The following OPCML variants were observed in gnomAD, a reference collection of about 807,000 sequenced individuals.
The protein encoded by OPCML is opioid-binding protein/cell adhesion molecule.
OPCML carries 13 observed loss-of-function variants against 37.8 expected under a neutral mutation model. That is an observed-to-expected ratio of 0.34 (90% CI 0.22 to 0.55). The LOEUF (loss-of-function observed/expected upper bound fraction) is 0.55, where lower values mean the gene tolerates loss of function less well. Among genes scored for constraint, OPCML ranks in the 20% least tolerant of loss-of-function variants. The probability of loss-of-function intolerance (pLI) is 0.91; values close to 1 mark genes in which losing one functional copy is unlikely to be tolerated. For synonymous variants in OPCML, 176 were observed against 168.8 expected, an observed-to-expected ratio of 1.04 and a Z score of -0.33; for missense variants, 341 against 435.6, an observed-to-expected ratio of 0.78 and a Z score of 1.93.
chr11:132,870,499 T>TA (rs959573929), intron 2 of OPCML, among the ~76,000 whole-genome samples: 4 of 151,728 alleles, frequency 2.6e-5, no homozygotes, highest in East Asian at 1.9e-4. Context: ...CTGGTCAAAT[T>TA]AAAAAAAATA....
At chr11:133,133,191 G>C (rs549145419) in intron 1 of OPCML, among the ~76,000 whole-genome samples, 9 of 152,298 alleles carry the variant, frequency 5.9e-5, no homozygotes, top group Middle Eastern at 3.4e-3. Flanking sequence ...AGATGCAACA[G>C]TTCCTGAGAT....
intron 1 of OPCML, among the ~76,000 whole-genome samples, chr11:133,223,774 C>T (rs1253544742): frequency 1.3e-5 from 2 of 152,176 alleles, no homozygotes; most frequent in Non-Finnish European, 1.5e-5. Flanking sequence ...TACTTGCGGG[C>T]CAGTGAGCTA....
intron 1 of OPCML, among the ~76,000 whole-genome samples, chr11:133,292,036 C>A (rs959145085): frequency 6.6e-6 from 1 of 152,150 alleles, no homozygotes; most frequent in Non-Finnish European, 1.5e-5. Context: ...TCAATATGGC[C>A]GTCGGTGAAG....
Position 133,183,404 on chromosome 11 carries a change from G to A in OPCML, c.62-240394C>T, listed in dbSNP as rs144861305. 1.0e-3 allele frequency among the ~76,000 whole-genome samples: 152 copies of A among 152,268 alleles called. 3 individuals carry two copies. Among genetic ancestry groups the A allele is most frequent in the South Asian group, 1.2e-3 (6 of 4,816 alleles). ...CAGAAAATAGTTCCTAAACCTGTAG[G>A]ATTTCCTGAAGAAGAAAACATTCCT... is the stretch of plus-strand genomic sequence containing the variant. On this transcript the variant is annotated intron_variant, in intron 1 of 7. Transcript: ENST00000524381.
intron 2 of OPCML, among the ~76,000 whole-genome samples, chr11:132,675,151 ATG>A (rs1239870422): frequency 2.4e-5 from 3 of 126,180 alleles, no homozygotes; most frequent in African/African-American, 9.9e-5. Context: ...GCCCATATAT[ATG>A]TATGTGTGTG....
rs116368087 is a variant in OPCML, at chr11:133,031,181, G to A, written c.62-88171C>T. 5.8e-3 allele frequency among the ~76,000 whole-genome samples: 880 copies of A among 152,324 alleles called. 5 individuals carry two copies. Among genetic ancestry groups the A allele is most frequent in the African/African-American group, 0.02 (831 of 41,564 alleles). Reference sequence around the variant, plus strand: ...TGAATGGATAGATGGATAAATGGGTGCATAGGTGAATGAATGGATGGGTGG... The same window carrying A: ...TGAATGGATAGATGGATAAATGGGTACATAGGTGAATGAATGGATGGGTGG... On this transcript the variant is annotated intron_variant, in intron 1 of 7. Transcript: ENST00000524381.
intron 1 of OPCML, among the ~76,000 whole-genome samples, chr11:133,084,424 T>C (rs1023832649): frequency 1.3e-5 from 2 of 152,250 alleles, no homozygotes; most frequent in East Asian, 3.8e-4. Flanking sequence ...GAAAGAGGTG[T>C]TAAGCTTCAG....
intron 1 of OPCML, among the ~76,000 whole-genome samples, chr11:133,123,434 G>A (rs1179210854): frequency 6.6e-6 from 1 of 152,146 alleles, no homozygotes; most frequent in Admixed American, 6.5e-5. Flanking sequence ...GTTTGCCCTG[G>A]TGGAAATGAC....
chr11:132,961,095 C>T (rs541490130), intron 1 of OPCML, among the ~76,000 whole-genome samples: 71 of 152,152 alleles, frequency 4.7e-4, no homozygotes, highest in Non-Finnish European at 7.6e-4. Context: ...AAATAACCCT[C>T]GGCATCCTCA....
At chr11:133,301,579 G>A (rs1942778911) in intron 1 of OPCML, 1 of 152,164 alleles carries the variant, frequency 6.6e-6, no homozygotes, top group African/African-American at 2.4e-5. Flanking sequence ...GGTAAATGTG[G>A]TTTTAAGTCT....
chr11:133,410,848 C>T (rs1945636841), intron 1 of OPCML, among the ~76,000 whole-genome samples: 2 of 152,014 alleles, frequency 1.3e-5, no homozygotes, highest in Non-Finnish European at 2.9e-5. Flanking sequence ...AAGAGAAAGG[C>T]TTTCTTGGGC....
intron 1 of OPCML, among the ~76,000 whole-genome samples, chr11:133,394,970 T>G (rs896177439): frequency 1.3e-5 from 2 of 152,236 alleles, no homozygotes; most frequent in East Asian, 3.8e-4. Context: ...ACAGTGGTTG[T>G]ACTAATTTAC....
chr11:132,530,376 G>C (rs1363817109), intron 3 of OPCML, among the ~76,000 whole-genome samples: 1 of 151,770 alleles, frequency 6.6e-6, no homozygotes, highest in Non-Finnish European at 1.5e-5. Context: ...CACTGTCCTG[G>C]TTGTTTCTCA....
intron 1 of OPCML, among the ~76,000 whole-genome samples, chr11:133,202,017 C>A (rs1282988843): frequency 6.8e-6 from 1 of 146,964 alleles, no homozygotes; most frequent in East Asian, 1.9e-4. Flanking sequence ...AGCTTATATT[C>A]CAGCGGAACA....
At chr11:132,549,579 T>C (rs1359866004) in intron 3 of OPCML, among the ~76,000 whole-genome samples, 2 of 152,164 alleles carry the variant, frequency 1.3e-5, no homozygotes, top group East Asian at 3.9e-4. Context: ...GCTTTTCTTT[T>C]TCATGAAAAG....
At chr11:133,290,895 A>T (rs576199484) in intron 1 of OPCML, among the ~76,000 whole-genome samples, 1 of 152,352 alleles carries the variant, frequency 6.6e-6, no homozygotes, top group African/African-American at 2.4e-5. Flanking sequence ...GCCGCAGCTT[A>T]CATTGTTACT....
At chr11:133,059,137 G>A (rs368578037) in intron 1 of OPCML, among the ~76,000 whole-genome samples, 6 of 152,220 alleles carry the variant, frequency 3.9e-5, no homozygotes, top group Admixed American at 6.5e-5. Flanking sequence ...ATCATTCAGA[G>A]ATCAAGGCAG....
At chr11:133,036,542 C>A (rs1206252383) in intron 1 of OPCML, among the ~76,000 whole-genome samples, 1 of 152,200 alleles carries the variant, frequency 6.6e-6, no homozygotes, top group Non-Finnish European at 1.5e-5. Flanking sequence ...AAACACCATG[C>A]CAAGCACACT....
chr11:132,759,715 T>C (rs753835842), intron 2 of OPCML, among the ~76,000 whole-genome samples: 4 of 146,208 alleles, frequency 2.7e-5, no homozygotes, highest in Non-Finnish European at 5.9e-5. Flanking sequence ...TGGCTAGCAA[T>C]CTATCTATTT....
Sources: gnomAD v4.1 joint callset for allele counts (sites outside exome capture counted in the v4.1 genomes callset) on GRCh38, gnomAD v4.1.1 for gene constraint, MANE v1.5 for transcripts, NCBI Gene and HGNC (gene_info 2026-07-23, HGNC 2026-07-21) for gene names.